The following CAMTA1 variants were observed in gnomAD, a reference collection of about 807,000 sequenced individuals.
The protein encoded by CAMTA1 is calmodulin binding transcription activator 1.
CAMTA1 carries 27 observed loss-of-function variants against 170.9 expected under a neutral mutation model. The ratio of observed to expected loss-of-function variants is 0.16; its 90% CI spans 0.12 to 0.22. The LOEUF (loss-of-function observed/expected upper bound fraction) is 0.22, where lower values mean the gene tolerates loss of function less well. CAMTA1 is among the 10% of genes least tolerant of loss of function. The pLI, the probability that CAMTA1 is intolerant of heterozygous loss-of-function variation, is 1.00. For missense variants in CAMTA1, 1,619 were observed against 2,217.2 expected (o/e 0.73, Z 5.42); for synonymous variants, 833 against 891.5 (o/e 0.93, Z 1.17).
chr1:7,181,028 T>C (rs944110208), intron 4 of CAMTA1, among the ~76,000 whole-genome samples: 1 of 152,162 alleles, frequency 6.6e-6, no homozygotes, highest in South Asian at 2.1e-4. Flanking sequence ...AACTAACCAA[T>C]ACCGCAATAA....
At chr1:7,513,938 C>CACACACACATACACACACACACACAT (rs2094241794) in intron 6 of CAMTA1, among the ~76,000 whole-genome samples, 2 of 76,914 alleles carry the variant, frequency 2.6e-5, no homozygotes, top group Non-Finnish European at 6.4e-5. Flanking sequence ...CACATACACA[C>CACACACACATACACACACACACACAT]ACACACACAT....
In CAMTA1 at chr1:6,970,958, G is replaced by C. The variant is rs1441746744; in HGVS notation, c.235-120346G>C. On this transcript the variant is annotated intron_variant, in intron 3 of 22. Transcript: ENST00000303635. The surrounding 1 kb of genome is among the most constrained non-coding windows in gnomAD (Gnocchi z 4.4). ...TCCTTTCCTAAACCAGGCCGGCCCT[G>C]TCAGCCTGGCTCCAAACTTCACTCC... 6.6e-6 allele frequency among the ~76,000 whole-genome samples: 1 copy of C among 152,174 alleles called. No homozygotes were observed. Among genetic ancestry groups the C allele is most frequent in the Non-Finnish European group, 1.5e-5 (1 of 68,016 alleles).
intron 4 of CAMTA1, among the ~76,000 whole-genome samples, chr1:7,187,153 A>G (rs553475186): frequency 1.3e-4 from 20 of 152,220 alleles, no homozygotes; most frequent in South Asian, 6.2e-4. Flanking sequence ...GTGCGGGGGC[A>G]TTTGAACCAA....
intron 2 of CAMTA1, among the ~76,000 whole-genome samples, chr1:6,822,157 A>C (rs1367763957): frequency 6.6e-6 from 1 of 152,234 alleles, no homozygotes; most frequent in Non-Finnish European, 1.5e-5. Flanking sequence ...TGAATAATGC[A>C]GTGGAAACCA....
At position 7,455,939 on chromosome 1, in the gene CAMTA1, G is replaced by A. The variant is rs529054770; in HGVS notation, c.439-11891G>A. ...GGGCTGTGTAGCCGAAGCTCCCAGCGCCAGAGGGTACAGCCTGAGCCTCCT... is the reference window on the plus strand; with the variant it reads ...GGGCTGTGTAGCCGAAGCTCCCAGCACCAGAGGGTACAGCCTGAGCCTCCT... On this transcript the variant is annotated intron_variant, in intron 5 of 22. Transcript: ENST00000303635. The surrounding 1 kb of genome is among the most constrained non-coding windows in gnomAD (Gnocchi z 5.0). Among the ~76,000 whole-genome samples the A allele has an allele frequency of 3.1e-4, 47 of 152,292 alleles. No individual in the cohort carries two copies. The highest frequency in any genetic ancestry group is 1.2e-3 in the South Asian group (6 of 4,824).
At chr1:7,598,103 A>T (rs976571115) in intron 6 of CAMTA1, among the ~76,000 whole-genome samples, 7 of 110,998 alleles carry the variant, frequency 6.3e-5, no homozygotes, top group African/African-American at 2.4e-4. Context: ...ACCCCACAAC[A>T]GGCCCCGGTG....
chr1:6,791,864 C>T (rs1467899249), intron 1 of CAMTA1, among the ~76,000 whole-genome samples: 1 of 152,096 alleles, frequency 6.6e-6, no homozygotes, highest in African/African-American at 2.4e-5. Flanking sequence ...TCCCTTAGTC[C>T]TGTGATTAAG....
At chr1:7,230,607 G>T (rs751935359) in intron 4 of CAMTA1, among the ~76,000 whole-genome samples, 31 of 152,354 alleles carry the variant, frequency 2.0e-4, no homozygotes, top group Non-Finnish European at 3.5e-4. Context: ...TCTTAGGTGT[G>T]CGAGAAAATC....
rs1239466997 is a variant in CAMTA1 at position 7,667,779 on chromosome 1, G to A, written c.2652+2580G>A. The stretch of plus-strand genomic sequence containing the variant: ...AGCCTGGCAGCCCAGCAGAGGGAGC[G>A]GCCAGCCTTGCTTTTCCAGAAGCCC... On this transcript the variant is annotated intron_variant, in intron 9 of 22. Transcript: ENST00000303635. Among the ~76,000 whole-genome samples, 5 of 152,178 alleles carry A rather than the reference G, an allele frequency of 3.3e-5. No homozygotes were observed. In the East Asian group the frequency reaches 7.7e-4, roughly 23 times the overall value.
rs1384643042 is a variant in CAMTA1 at position 7,173,045 on chromosome 1, C to A, written c.303-76446C>A. On this transcript the variant is annotated intron_variant, in intron 4 of 22. Coordinates refer to ENST00000303635, the MANE Select transcript of CAMTA1 (RefSeq NM_015215.4). This position sits in a 1 kb window ranked among gnomAD's most constrained non-coding sequence, Gnocchi z 5.4. ...GTGCTGGAGCGTGGCTGGGGACAGG[C>A]TGTGCGGGAGGCGCAGGGGTGAGGC... Among the ~76,000 whole-genome samples, 1 of 152,206 alleles carries A rather than the reference C, an allele frequency of 6.6e-6. No individual in the cohort carries two copies. The highest frequency in any genetic ancestry group is 2.4e-5 in the African/African-American group (1 of 41,464).
chr1:6,941,605 G>A (rs1686642598), intron 3 of CAMTA1, among the ~76,000 whole-genome samples: 1 of 152,196 alleles, frequency 6.6e-6, no homozygotes, highest in Non-Finnish European at 1.5e-5. Context: ...TTAGCGCCGT[G>A]GGCAATTGGG....
intron 5 of CAMTA1, among the ~76,000 whole-genome samples, chr1:7,406,134 A>G (rs1322992297): frequency 6.6e-6 from 1 of 152,230 alleles, no homozygotes; most frequent in Non-Finnish European, 1.5e-5. Context: ...TGTGATAAGT[A>G]AATCTTGTCC....
At chr1:7,157,573 A>C (rs1646969423) in intron 4 of CAMTA1, among the ~76,000 whole-genome samples, 1 of 152,196 alleles carries the variant, frequency 6.6e-6, no homozygotes, top group East Asian at 1.9e-4. Flanking sequence ...GTGGAACAAC[A>C]GGAAGCTTCA....
intron 3 of CAMTA1, among the ~76,000 whole-genome samples, chr1:6,898,231 C>T (rs564193522): frequency 6.6e-6 from 1 of 152,156 alleles, no homozygotes; most frequent in South Asian, 2.1e-4. Context: ...CATCTGTTGC[C>T]CATTCCTCAG....
intron 22 of CAMTA1, among the ~76,000 whole-genome samples, chr1:7,761,220 A>G (rs2096973050): frequency 6.6e-6 from 1 of 152,176 alleles, no homozygotes; most frequent in African/African-American, 2.4e-5. Context: ...CAGTCTTGCT[A>G]TTCTAATTAC....
intron 3 of CAMTA1, among the ~76,000 whole-genome samples, chr1:7,062,443 G>A (rs1196250806): frequency 1.3e-5 from 2 of 152,200 alleles, no homozygotes; most frequent in Non-Finnish European, 2.9e-5. Context: ...GAGTGACAGG[G>A]AATGGGCTGC....
At chr1:7,380,183 G>T (rs111812707) in intron 5 of CAMTA1, among the ~76,000 whole-genome samples, 27 of 152,310 alleles carry the variant, frequency 1.8e-4, no homozygotes, top group African/African-American at 6.0e-4. Flanking sequence ...CTTCAAAGAG[G>T]ATTTCCCAGG....
At chr1:7,632,651 C>T (rs780326469) in intron 6 of CAMTA1, among the ~76,000 whole-genome samples, 4 of 152,388 alleles carry the variant, frequency 2.6e-5, no homozygotes, top group Non-Finnish European at 4.4e-5. Flanking sequence ...TCCTCCTCAG[C>T]GGAGATGGAG....
At chr1:7,440,973 G>A (rs2092511794) in intron 5 of CAMTA1, 1 of 152,212 alleles carries the variant, frequency 6.6e-6, no homozygotes, top group Non-Finnish European at 1.5e-5. Flanking sequence ...AGCCAACTCT[G>A]TCTCCATTTG....
Sources: allele counts gnomAD v4.1 joint callset (sites outside exome capture counted in the v4.1 genomes callset), GRCh38; gene constraint gnomAD v4.1.1; non-coding constraint Gnocchi (gnomAD v3.1); transcripts MANE v1.5; gene names NCBI Gene and HGNC (gene_info 2026-07-23, HGNC 2026-07-21).